The following DUSP22 variants were observed in gnomAD, a reference collection of about 807,000 sequenced individuals.
DUSP22 encodes dual specificity phosphatase 22, also known as dual specificity protein phosphatase 22.
DUSP22 carries 24 observed loss-of-function variants against 24.5 expected under a neutral mutation model. The observed-to-expected ratio is 0.98, with a 90% CI of 0.71 to 1.38. The LOEUF (loss-of-function observed/expected upper bound fraction) is 1.38, where lower values mean the gene tolerates loss of function less well. Ranked by LOEUF, DUSP22 falls within the 40% of genes most tolerant of loss-of-function variation. DUSP22 has a pLI of 0.00. For missense variants in DUSP22, 330 were observed against 269.2 expected, an observed-to-expected ratio of 1.23 and a Z score of -1.58; for synonymous variants, 160 against 106.4, an observed-to-expected ratio of 1.50 and a Z score of -3.10.
chr6:346,401 C>G (rs941650197), intron 5 of DUSP22, among the ~76,000 whole-genome samples: 4 of 152,238 alleles, frequency 2.6e-5, no homozygotes, highest in Non-Finnish European at 5.9e-5. Context: ...TGACGGCTGT[C>G]TGTTTGCATC....
intron 3 of DUSP22, chr6:326,303 G>T (rs917507759): frequency 8.3e-6 from 2 of 240,636 alleles, no homozygotes; most frequent in Non-Finnish European, 1.6e-5. Context: ...TGCTGTATCT[G>T]CTGGTGTCTG....
intron 1 of DUSP22, among the ~76,000 whole-genome samples, chr6:304,099 T>TC (rs1350171587): frequency 6.6e-6 from 1 of 152,300 alleles, no homozygotes; most frequent in African/African-American, 2.4e-5. Flanking sequence ...CAAGGAGTTT[T>TC]CCCCGACAGA....
In DUSP22 at chr6:349,128, C is replaced by A. The variant is rs1760043402; in HGVS notation, c.*177C>A. 4 of 1,437,804 alleles carry A rather than the reference C, an allele frequency of 2.8e-6. No individual in the cohort carries two copies. Among genetic ancestry groups the A allele is most frequent in the Non-Finnish European group, 3.6e-6 (4 of 1,102,352 alleles). 89.1% of individuals were successfully genotyped at this position (1,437,804 alleles called of 1,614,324 possible). ...CCCTGCTCCAGGCCCCTGCACTCCG[C>A]CCACCCCTACCCTGGCTGCACCTGA... On this transcript the variant is annotated 3_prime_UTR_variant, in exon 7 of 7. Transcript: ENST00000419235.
chr6:310,321 G>T (rs1273839705), intron 2 of DUSP22, among the ~76,000 whole-genome samples: 1 of 152,418 alleles, frequency 6.6e-6, no homozygotes, highest in Admixed American at 6.5e-5. Flanking sequence ...GCCAGGCTGG[G>T]ATGGGGGTGT....
At chr6:342,018 A>C (rs1030678765) in intron 4 of DUSP22, among the ~76,000 whole-genome samples, 15 of 152,302 alleles carry the variant, frequency 9.8e-5, no homozygotes, top group Non-Finnish European at 7.3e-5. Context: ...GCAGATGTCA[A>C]AGTGAGATAT....
chr6:306,541 ATTACCTTAAG>A (rs1359218495), intron 2 of DUSP22, among the ~76,000 whole-genome samples: 83 of 152,372 alleles, frequency 5.4e-4, no homozygotes, highest in African/African-American at 2.0e-3. Context: ...ATGCTGCATT[ATTACCTTAAG>A]TTATTCTGAT....
At chr6:299,823 G>C (rs939585174) in intron 1 of DUSP22, among the ~76,000 whole-genome samples, 1 of 152,306 alleles carries the variant, frequency 6.6e-6, no homozygotes, top group East Asian at 1.9e-4. Flanking sequence ...GCACCGTTTC[G>C]CATGTGGAAG....
Position 350,911 on chromosome 6 carries a change from G to A in DUSP22, c.*1960G>A. Reference sequence around the variant, plus strand: ...AAATATTGCAAACCCACAGAGTTTAGGCTGGTGCTGCCAAAAAGAAAAGCA... The same window carrying A: ...AAATATTGCAAACCCACAGAGTTTAAGCTGGTGCTGCCAAAAAGAAAAGCA... On this transcript the variant is annotated 3_prime_UTR_variant, in exon 7 of 7. Coordinates refer to ENST00000419235, the MANE Select transcript of DUSP22 (RefSeq NM_001286555.3). 1 of 1,611,956 alleles carries A rather than the reference G, an allele frequency of 6.2e-7. No homozygotes were observed. The highest frequency in any genetic ancestry group is 8.5e-7 in the Non-Finnish European group (1 of 1,178,552).
At chr6:339,020 T>C (rs1759480693) in intron 4 of DUSP22, among the ~76,000 whole-genome samples, 2 of 152,422 alleles carry the variant, frequency 1.3e-5, no homozygotes, top group Admixed American at 1.3e-4. Context: ...TGTTAGAATT[T>C]CAGCTCAGTT....
At chr6:305,148 G>A (rs1248519752) in intron 2 of DUSP22, among the ~76,000 whole-genome samples, 3 of 152,308 alleles carry the variant, frequency 2.0e-5, no homozygotes, top group African/African-American at 7.2e-5. Flanking sequence ...TAAAAGATCA[G>A]CTTTAGACTT....
chr6:320,977 C>T (rs1400930058), intron 3 of DUSP22, among the ~76,000 whole-genome samples: 11 of 152,302 alleles, frequency 7.2e-5, no homozygotes, highest in Admixed American at 3.3e-4. Context: ...GATTGACAGG[C>T]GTGTAAATCC....
chr6:322,099 C>T (rs988004239), intron 3 of DUSP22, among the ~76,000 whole-genome samples: 2 of 152,028 alleles, frequency 1.3e-5, no homozygotes, highest in Non-Finnish European at 2.9e-5. Flanking sequence ...GTACACATAT[C>T]ATCTACATAG....
intron 3 of DUSP22, among the ~76,000 whole-genome samples, chr6:319,757 TC>T (rs1758508950): frequency 2.0e-5 from 3 of 152,420 alleles, no homozygotes; most frequent in African/African-American, 7.2e-5. Context: ...GACAGTTGTT[TC>T]CAGCACACCT....
chr6:334,280 A>G (rs1759267603), intron 3 of DUSP22, among the ~76,000 whole-genome samples: 1 of 152,304 alleles, frequency 6.6e-6, no homozygotes, highest in Non-Finnish European at 1.5e-5. Context: ...AAAATGATTC[A>G]TCTAATTCTT....
chr6:296,495 G>C lies in DUSP22; in HGVS notation c.21+3935G>C, dbSNP rs1757335150. 2.0e-5 allele frequency among the ~76,000 whole-genome samples: 3 copies of C among 152,302 alleles called. No individual in the cohort carries two copies. In the South Asian group the frequency reaches 6.2e-4, roughly 31 times the overall value. Reference sequence around the variant, plus strand: ...GATATTAGTCTAGTAAATGTCTCTGGTAAGATTAGGGTTAAACTAAACAGG... The same window carrying C: ...GATATTAGTCTAGTAAATGTCTCTGCTAAGATTAGGGTTAAACTAAACAGG... On this transcript the variant is annotated intron_variant, in intron 1 of 6. Transcript: ENST00000419235.
chr6:320,817 G>A (rs868672661), intron 3 of DUSP22, among the ~76,000 whole-genome samples: 18 of 152,404 alleles, frequency 1.2e-4, no homozygotes, highest in Middle Eastern at 6.8e-3. Context: ...TGGTCAGTAC[G>A]GGTGAGGGTG....
intron 3 of DUSP22, among the ~76,000 whole-genome samples, chr6:316,751 C>CA (rs1334548171): frequency 8.5e-5 from 13 of 152,106 alleles, no homozygotes; most frequent in Admixed American, 1.3e-4. Flanking sequence ...TCACTATTAA[C>CA]AAAAAAAAAG....
At chr6:323,981 A>ATTT (rs1213635443) in intron 3 of DUSP22, among the ~76,000 whole-genome samples, 1 of 152,308 alleles carries the variant, frequency 6.6e-6, no homozygotes, top group Non-Finnish European at 1.5e-5. Context: ...GCTCCACCCT[A>ATTT]TGCCCTGAAG....
Position 350,662 on chromosome 6 carries a change from T to A in DUSP22, c.*1711T>A. The A allele has an allele frequency of 6.6e-7, 1 of 1,521,660 alleles. No individual in the cohort carries two copies. The highest frequency in any genetic ancestry group is 2.4e-5 in the East Asian group (1 of 41,608). 94.3% of individuals were successfully genotyped at this position (1,521,660 alleles called of 1,614,324 possible). Reference sequence around the variant, plus strand: ...TAAAACAATTTGCCAATAAAGTACATGTTTTTCCTAAGCCAAAAATAAATA... The same window carrying A: ...TAAAACAATTTGCCAATAAAGTACAAGTTTTTCCTAAGCCAAAAATAAATA... On this transcript the variant is annotated 3_prime_UTR_variant, in exon 7 of 7. Coordinates refer to ENST00000419235, the MANE Select transcript of DUSP22 (RefSeq NM_001286555.3).
Sources: allele counts gnomAD v4.1 joint callset (sites outside exome capture counted in the v4.1 genomes callset), GRCh38; gene constraint gnomAD v4.1.1; transcripts MANE v1.5; gene names NCBI Gene and HGNC (gene_info 2026-07-23, HGNC 2026-07-21).